The following ZNF407 variants were observed in gnomAD, a reference collection of about 807,000 sequenced individuals.
ZNF407 encodes the protein zinc finger protein 407.
ZNF407 carries 17 observed loss-of-function variants against 131.2 expected under a neutral mutation model. That is an observed-to-expected ratio of 0.13 (90% confidence interval 0.09 to 0.19). ZNF407 has a LOEUF of 0.19. ZNF407 is among the 10% of genes least tolerant of loss of function. ZNF407 has a pLI of 1.00. For missense variants in ZNF407, 2,681 were observed against 2,830.6 expected (o/e 0.95, Z 1.20); for synonymous variants, 1,156 against 1,062.0 (o/e 1.09, Z -1.72).
chr18:74,877,239 G>C lies in ZNF407; in HGVS notation c.4920G>C (p.Lys1640Asn). ...TATGTGATAGAAGTTTCACAGAGAA[G>C]TGGGCCCTGAACAACCACATGAAAC... ...CHLCDRSFTE[K>N]WALNNHMKLH... The change falls in exon 5 of 9, where the codon AAG becomes AAC. Residue 1640 changes from lysine to asparagine, a missense_variant. Transcript: ENST00000299687. 6.2e-7 allele frequency: 1 copy of C among 1,614,022 alleles called. No individual in the cohort carries two copies. Among genetic ancestry groups the C allele is most frequent in the Non-Finnish European group, 8.5e-7 (1 of 1,179,884 alleles).
At chr18:74,982,567 A>G (rs1972605155) in intron 8 of ZNF407, among the ~76,000 whole-genome samples, 1 of 152,156 alleles carries the variant, frequency 6.6e-6, no homozygotes, top group Non-Finnish European at 1.5e-5. Flanking sequence ...TTCCCTTGCT[A>G]CTCATCAGGG....
At chr18:74,854,539 T>G (rs1263658998) in intron 4 of ZNF407, among the ~76,000 whole-genome samples, 1 of 152,160 alleles carries the variant, frequency 6.6e-6, no homozygotes, top group Non-Finnish European at 1.5e-5. Context: ...AATGAAAAGT[T>G]TAAGCTTTAG....
chr18:74,934,465 A>G (rs1212873423), intron 8 of ZNF407, among the ~76,000 whole-genome samples: 1 of 152,230 alleles, frequency 6.6e-6, no homozygotes, highest in South Asian at 2.1e-4. Flanking sequence ...TGGAAACAAC[A>G]TCGCAAGCTA....
intron 3 of ZNF407, among the ~76,000 whole-genome samples, chr18:74,653,198 TC>T (rs1222545152): frequency 3.3e-5 from 5 of 151,886 alleles, no homozygotes; most frequent in Non-Finnish European, 7.4e-5. Flanking sequence ...TATATGGTTT[TC>T]CAATCAAAAT....
At chr18:74,733,052 C>T (rs1432059245) in intron 3 of ZNF407, among the ~76,000 whole-genome samples, 1 of 151,884 alleles carries the variant, frequency 6.6e-6, no homozygotes, top group Non-Finnish European at 1.5e-5. Context: ...CAACACATTT[C>T]TCAGCTTCAA....
intron 3 of ZNF407, among the ~76,000 whole-genome samples, chr18:74,672,830 TA>T (rs982656251): frequency 6.2e-4 from 95 of 152,248 alleles, no homozygotes; most frequent in African/African-American, 2.1e-3. Context: ...ATACCTGCAA[TA>T]AAAAAATGAA....
intron 8 of ZNF407, among the ~76,000 whole-genome samples, chr18:74,960,478 C>T (rs994512076): frequency 7.0e-6 from 1 of 142,040 alleles, no homozygotes; most frequent in African/African-American, 2.7e-5. Context: ...TGAGTCAGTG[C>T]TTGGTGGAGG....
chr18:74,755,763 TTCTTTCTTTC>T (rs1255576257), intron 3 of ZNF407, among the ~76,000 whole-genome samples: 22 of 127,226 alleles, frequency 1.7e-4, no homozygotes, highest in African/African-American at 6.2e-4. Context: ...CTTTCTTTCT[TTCTTTCTTTC>T]TCTCTCTCTC....
intron 4 of ZNF407, among the ~76,000 whole-genome samples, chr18:74,813,286 C>G (rs933852490): frequency 3.3e-5 from 5 of 152,134 alleles, no homozygotes; most frequent in Admixed American, 6.5e-5. Flanking sequence ...CTCCTCAGCC[C>G]TCAGAGACTG....
intron 3 of ZNF407, among the ~76,000 whole-genome samples, chr18:74,764,231 A>G (rs1005979250): frequency 7.2e-5 from 11 of 152,162 alleles, no homozygotes; most frequent in African/African-American, 2.7e-4. Flanking sequence ...CAATGATACC[A>G]TTTGAAATTG....
At chr18:74,982,366 A>G (rs1196637207) in intron 8 of ZNF407, among the ~76,000 whole-genome samples, 1 of 152,210 alleles carries the variant, frequency 6.6e-6, no homozygotes, top group African/African-American at 2.4e-5. Flanking sequence ...CCACTGTTGA[A>G]TCTTTGCTTT....
chr18:74,695,082 G>A (rs529664497), intron 3 of ZNF407, among the ~76,000 whole-genome samples: 182 of 152,180 alleles, frequency 1.2e-3, no homozygotes, highest in African/African-American at 4.2e-3. Context: ...CTTTTTTATG[G>A]TTTTTATAAG....
At chr18:74,672,602 G>A (rs1053419293) in intron 3 of ZNF407, among the ~76,000 whole-genome samples, 6 of 144,620 alleles carry the variant, frequency 4.1e-5, no homozygotes, top group Non-Finnish European at 8.9e-5. Context: ...GTTTGTTGGA[G>A]CACTGTTTTT....
At chr18:74,794,413 A>ATT (rs369175320) in intron 4 of ZNF407, among the ~76,000 whole-genome samples, 24,010 of 146,846 alleles carry the variant, frequency 0.16, 2,175 homozygotes, top group Non-Finnish European at 0.22. Flanking sequence ...GGGTCACATA[A>ATT]TTTTTTTTTT....
chr18:74,946,142 A>G (rs908609840), intron 8 of ZNF407, among the ~76,000 whole-genome samples: 1 of 152,252 alleles, frequency 6.6e-6, no homozygotes, highest in African/African-American at 2.4e-5. Flanking sequence ...CAGAAAAGCA[A>G]TGAATTACAT....
At chr18:74,628,629 A>G (rs1016407296) in intron 1 of ZNF407, among the ~76,000 whole-genome samples, 10 of 152,110 alleles carry the variant, frequency 6.6e-5, no homozygotes, top group African/African-American at 2.4e-4. Context: ...TCTGTCTCCC[A>G]GGCTGGAGTG....
chr18:74,895,294 G>T lies in ZNF407; in HGVS notation c.5249+5256G>T, dbSNP rs1012231016. 6.6e-5 allele frequency among the ~76,000 whole-genome samples: 10 copies of T among 151,182 alleles called. 1 individual carries two copies. The highest frequency in any genetic ancestry group is 2.4e-4 in the African/African-American group (10 of 40,934). On this transcript the variant is annotated intron_variant, in intron 7 of 8. Coordinates refer to ENST00000299687, the MANE Select transcript of ZNF407 (RefSeq NM_017757.3). ...TAACTCAGATAGTGATGCTCAACTA[G>T]AAGTGTGCTTACATTTTGTAATAGT... is the stretch of plus-strand genomic sequence containing the variant.
At chr18:74,909,286 C>T (rs760630148) in intron 7 of ZNF407, among the ~76,000 whole-genome samples, 29 of 151,994 alleles carry the variant, frequency 1.9e-4, no homozygotes, top group Non-Finnish European at 3.7e-4. Flanking sequence ...TAATGACTCA[C>T]ATAGTTGAAC....
chr18:74,942,118 A>G (rs763204130), intron 8 of ZNF407, among the ~76,000 whole-genome samples: 22 of 152,196 alleles, frequency 1.4e-4, no homozygotes, highest in East Asian at 3.9e-4. Flanking sequence ...ATTTAGTGCC[A>G]TGCATTTCTA....
Sources: gnomAD v4.1 joint callset for allele counts (sites outside exome capture counted in the v4.1 genomes callset) on GRCh38, gnomAD v4.1.1 for gene constraint, MANE v1.5 for transcripts, NCBI Gene and HGNC (gene_info 2026-07-23, HGNC 2026-07-21) for gene names.